Variants in LSM14A observed in about 807,000 individuals in gnomAD.
LSM14A encodes the protein LSM14A mRNA processing body assembly factor.
LSM14A carries 14 observed loss-of-function variants against 52.4 expected under a neutral mutation model. The observed-to-expected ratio is 0.27, with a 90% CI of 0.18 to 0.42. The LOEUF is 0.42. LSM14A is among the 10% of genes least tolerant of loss of function. The pLI is 1.00. For synonymous variants in LSM14A, 185 were observed against 200.3 expected (o/e 0.92, Z 0.64); for missense variants, 417 against 581.8 (o/e 0.72, Z 2.91).
At chr19:34,203,812 AAAAAG>A (rs747193022) in intron 3 of LSM14A, among the ~76,000 whole-genome samples, 76 of 151,956 alleles carry the variant, frequency 5.0e-4, no homozygotes, top group South Asian at 4.3e-3. Context: ...CAAAAAAAAA[AAAAAG>A]AAAGAAAGAT....
intron 9 of LSM14A, among the ~76,000 whole-genome samples, chr19:34,222,393 T>TA (rs1443507334): frequency 6.6e-6 from 1 of 152,262 alleles, no homozygotes; most frequent in East Asian, 1.9e-4. Context: ...TAACTCTGTA[T>TA]AGTAGCCTTA....
intron 2 of LSM14A, among the ~76,000 whole-genome samples, chr19:34,195,690 A>G (rs2070782189): frequency 6.6e-6 from 1 of 152,160 alleles, no homozygotes; most frequent in South Asian, 2.1e-4. Flanking sequence ...ATCTCTTTAA[A>G]TGGAGAAGGA....
At chr19:34,202,936 C>T (rs1055644503) in intron 3 of LSM14A, among the ~76,000 whole-genome samples, 8 of 152,192 alleles carry the variant, frequency 5.3e-5, no homozygotes, top group African/African-American at 1.7e-4. Context: ...GGATTACAGG[C>T]GTGAGCCACC....
intron 8 of LSM14A, 109 bp from the exon 9 acceptor site, chr19:34,221,398 A>G (rs964681082): frequency 4.8e-6 from 6 of 1,241,590 alleles, no homozygotes; most frequent in Non-Finnish European, 6.7e-6. Flanking sequence ...CTTATTTCTA[A>G]TTAGCTTTAG....
chr19:34,172,565 G>A lies in LSM14A; in HGVS notation c.-78G>A. The A allele has an allele frequency of 1.4e-6, 2 of 1,426,484 alleles. No individual in the cohort carries two copies. The highest frequency in any genetic ancestry group is 3.0e-5 in the East Asian group (1 of 32,900). The allele number at this position is 1,426,484 out of a possible 1,614,324, so 88.4% of individuals were successfully genotyped here. ...CGGCTGCTGTAGGCGCCGACGGAGCGAGCGGGCGTGCGGAGCGGGCGACAG... is the reference window on the plus strand; with the variant it reads ...CGGCTGCTGTAGGCGCCGACGGAGCAAGCGGGCGTGCGGAGCGGGCGACAG... On this transcript the variant is annotated 5_prime_UTR_variant, in exon 1 of 10. Transcript: ENST00000544216.
chr19:34,219,132 A>G (rs1288066175), intron 6 of LSM14A, among the ~76,000 whole-genome samples: 1 of 152,254 alleles, frequency 6.6e-6, no homozygotes, highest in African/African-American at 2.4e-5. Context: ...ATACTCTGTC[A>G]GTAACACATG....
chr19:34,195,392 G>A (rs1043711969), intron 2 of LSM14A: 12 of 151,888 alleles, frequency 7.9e-5, no homozygotes, highest in African/African-American at 2.9e-4. Flanking sequence ...TGGCCAGCCT[G>A]GTCTCAAACT....
At position 34,216,552 on chromosome 19, in the gene LSM14A, C is replaced by T. The variant is rs1286873867; in HGVS notation, c.781+891C>T. 4.0e-5 allele frequency among the ~76,000 whole-genome samples: 6 copies of T among 151,798 alleles called. No individual in the cohort carries two copies. In the East Asian group the frequency reaches 9.7e-4, roughly 25 times the overall value. On this transcript the variant is annotated intron_variant, in intron 6 of 9. Transcript: ENST00000544216. The stretch of plus-strand genomic sequence containing the variant: ...TCAGCTCACGGCAGCCTCCGCCTCC[C>T]GGGTTCAAGTAATTCTCCTGCCTCA...
chr19:34,211,757 C>T (rs1011831747), intron 4 of LSM14A, among the ~76,000 whole-genome samples: 1 of 151,962 alleles, frequency 6.6e-6, no homozygotes, highest in Non-Finnish European at 1.5e-5. Context: ...CTACCTCACT[C>T]CAGCCTGGGC....
Position 34,219,726 on chromosome 19 carries a change from G to A in LSM14A, c.985G>A (p.Glu329Lys), listed in dbSNP as rs2072924561. 6.2e-7 allele frequency: 1 copy of A among 1,610,270 alleles called. No homozygotes were observed. Among genetic ancestry groups the A allele is most frequent in the South Asian group, 1.1e-5 (1 of 89,894 alleles). The change falls in exon 8 of 10, where the codon GAG (glutamate) becomes AAG (lysine). Residue 329 changes from glutamate to lysine, a missense_variant. Glu to Lys is a moderately conservative substitution (Grantham distance 56). Around this residue, in one of 2 missense-constraint regions of LSM14A, gnomAD observed 357 missense variants for 457.0 expected, o/e 0.78. Coordinates refer to ENST00000544216, the MANE Select transcript of LSM14A (RefSeq NM_015578.4). The stretch of plus-strand genomic sequence containing the variant: ...CTTAGAAGATAAACTTGAGAAACAG[G>A]AGAAGCCTGTAAATGGTGAAGATAA... ...KLKEDKLEKQ[E>K]KPVNGEDKGD... is the part of the protein sequence containing the mutation.
intron 1 of LSM14A, among the ~76,000 whole-genome samples, chr19:34,182,595 T>C (rs910507622): frequency 6.7e-6 from 1 of 149,908 alleles, no homozygotes; most frequent in African/African-American, 2.5e-5. Flanking sequence ...CCTAACACTT[T>C]GGGAGGCCAA....
intron 5 of LSM14A, 62 bp downstream of exon 5, chr19:34,215,362 TTTCATTAGAAGGA>T: frequency 7.0e-7 from 1 of 1,429,940 alleles, no homozygotes; most frequent in Non-Finnish European, 9.5e-7. Context: ...CTCACTTTAT[TTTCATTAGAAGGA>T]TTTACTTCAT....
rs373566874 is a variant in LSM14A, at chr19:34,192,675, C to T, written c.122-1803C>T. On this transcript the variant is annotated intron_variant, in intron 1 of 9. Coordinates refer to ENST00000544216, the MANE Select transcript of LSM14A (RefSeq NM_015578.4). Reference sequence around the variant, plus strand: ...AAAAAAAAAAAAAAAAAAGCGTATGCATTAAAAATACTAAGGGGGCCAGGC... The same window carrying T: ...AAAAAAAAAAAAAAAAAAGCGTATGTATTAAAAATACTAAGGGGGCCAGGC... Among the ~76,000 whole-genome samples, 358 of 114,496 alleles carry T rather than the reference C, an allele frequency of 3.1e-3. 6 individuals are homozygous for T. Among genetic ancestry groups the T allele is most frequent in the African/African-American group, 0.011 (336 of 31,490 alleles). 75.1% of individuals were successfully genotyped at this position (114,496 alleles called of 152,430 possible). A position where few individuals can be genotyped will look rare whatever the true frequency, so the allele number is the denominator to read the frequency against.
In LSM14A at chr19:34,227,521, G is replaced by A. The variant is rs1429436695; in HGVS notation, c.*133G>A. 16 of 679,186 alleles carry A rather than the reference G, an allele frequency of 2.4e-5. No individual in the cohort carries two copies. Among genetic ancestry groups the A allele is most frequent in the Non-Finnish European group, 3.4e-5 (14 of 411,538 alleles). The allele number at this position is 679,186 out of a possible 1,614,324, so 42.1% of individuals were successfully genotyped here. A position where few individuals can be genotyped will look rare whatever the true frequency, so the allele number is the denominator to read the frequency against. ...CACCAGCACTGGGTTTTTGTTTTTT[G>A]TTTGTTTTTCCGCTTAATTTCAAAG... On this transcript the variant is annotated 3_prime_UTR_variant, in exon 10 of 10. Coordinates refer to ENST00000544216, the MANE Select transcript of LSM14A (RefSeq NM_015578.4).
chr19:34,197,024 C>T (rs1318322084), intron 3 of LSM14A, among the ~76,000 whole-genome samples: 1 of 151,426 alleles, frequency 6.6e-6, no homozygotes, highest in African/African-American at 2.4e-5. Flanking sequence ...TATCCAATAT[C>T]TACCAAATCT....
chr19:34,182,923 C>G (rs1010369073), intron 1 of LSM14A, among the ~76,000 whole-genome samples: 7 of 151,862 alleles, frequency 4.6e-5, no homozygotes, highest in African/African-American at 1.7e-4. Context: ...CCTCCCTCCC[C>G]TCTCCCCCTC....
intron 3 of LSM14A, among the ~76,000 whole-genome samples, chr19:34,199,858 G>A (rs759418770): frequency 8.5e-5 from 13 of 152,316 alleles, no homozygotes; most frequent in South Asian, 2.1e-4. Flanking sequence ...AATAATTAGC[G>A]AGGATTATCA....
rs1326086187 is a variant in LSM14A, at chr19:34,215,262, C to T, written c.677C>T (p.Ala226Val). Residue 226 changes from alanine to valine, a missense_variant, in exon 5 of 10, where the codon GCC becomes GTC. Ala to Val is a moderately conservative substitution (Grantham distance 64). Around this residue, in one of 2 missense-constraint regions of LSM14A, gnomAD observed 357 missense variants for 457.0 expected, o/e 0.78. Transcript: ENST00000544216. ...SPVSTRPLPS[A>V]SQKAGENQEH... ...GTATCAACCAGGCCTTTGCCATCTGCCAGCCAAAAGGCAGGAGAGAATCAG... is the reference window on the plus strand; with the variant it reads ...GTATCAACCAGGCCTTTGCCATCTGTCAGCCAAAAGGCAGGAGAGAATCAG... 6.2e-7 allele frequency: 1 copy of T among 1,613,780 alleles called. No homozygotes were observed. The highest frequency in any genetic ancestry group is 1.7e-5 in the Admixed American group (1 of 59,908).
At chr19:34,207,681 G>A (rs1171207185) in intron 3 of LSM14A, among the ~76,000 whole-genome samples, 4 of 151,996 alleles carry the variant, frequency 2.6e-5, no homozygotes, top group African/African-American at 7.2e-5. Flanking sequence ...GCAGGCATGC[G>A]CCACCACGCC....
Sources: gnomAD v4.1 joint callset for allele counts (sites outside exome capture counted in the v4.1 genomes callset) on GRCh38, gnomAD v4.1.1 for gene constraint, gnomAD v4.1.1 regional missense constraint, MANE v1.5 for transcripts, NCBI Gene and HGNC (gene_info 2026-07-23, HGNC 2026-07-21) for gene names.